The following FAM227A variants were observed in gnomAD, a reference collection of about 807,000 sequenced individuals.
FAM227A encodes protein FAM227A.
FAM227A carries 80 observed loss-of-function variants against 74.7 expected under a neutral mutation model. The observed-to-expected ratio is 1.07, with a 90% CI of 0.89 to 1.29. The LOEUF (loss-of-function observed/expected upper bound fraction) is 1.29, where lower values mean the gene tolerates loss of function less well. Ranked by LOEUF, FAM227A falls within the 50% of genes most tolerant of loss-of-function variation. The probability of loss-of-function intolerance (pLI) is 0.00; values close to 1 mark genes in which losing one functional copy is unlikely to be tolerated. For missense variants in FAM227A, 654 were observed against 683.4 expected (o/e 0.96, Z 0.48); for synonymous variants, 237 against 241.8 (o/e 0.98, Z 0.19).
chr22:38,619,177 G>A (rs1245803683), intron 11 of FAM227A, among the ~76,000 whole-genome samples: 1 of 152,118 alleles, frequency 6.6e-6, no homozygotes, highest in Non-Finnish European at 1.5e-5. Flanking sequence ...GTCCCCTGAG[G>A]CAGGACCCCT....
chr22:38,588,100 C>T (rs1225096573), intron 16 of FAM227A, among the ~76,000 whole-genome samples: 11 of 152,202 alleles, frequency 7.2e-5, no homozygotes, highest in Admixed American at 7.2e-4. Context: ...CAGATAACAG[C>T]ACACTCAATG....
chr22:38,628,640 G>A (rs1012288373), intron 7 of FAM227A, among the ~76,000 whole-genome samples, 194 bp downstream of exon 7: 1 of 152,162 alleles, frequency 6.6e-6, no homozygotes, highest in African/African-American at 2.4e-5. Flanking sequence ...TGGGGGAGCC[G>A]CAGGGCATTG....
At chr22:38,606,400 C>T (rs2091284643) in intron 12 of FAM227A, among the ~76,000 whole-genome samples, 1 of 152,164 alleles carries the variant, frequency 6.6e-6, no homozygotes, top group South Asian at 2.1e-4. Flanking sequence ...AACTTCTGGG[C>T]TCAAGCAATC....
intron 1 of FAM227A, among the ~76,000 whole-genome samples, chr22:38,653,043 A>G (rs796259219): frequency 1.2e-4 from 18 of 152,222 alleles, no homozygotes; most frequent in African/African-American, 4.3e-4. Context: ...CAGGTGAGTG[A>G]GAGAAGCTTG....
chr22:38,597,277 A>T lies in FAM227A; in HGVS notation c.1459T>A (p.Leu487Met). 1.9e-6 allele frequency: 3 copies of T among 1,552,084 alleles called. No individual in the cohort carries two copies. Among genetic ancestry groups the T allele is most frequent in the Non-Finnish European group, 2.6e-6 (3 of 1,147,054 alleles). ...CATTCAGTCCAATGATGCTGGTACA[A>T]CTGATTGAGGTTGTCTTTCCGCTTC... ...MKKRKDNLNQLYQHHWTEWNY... is the reference protein window; with the variant it reads ...MKKRKDNLNQMYQHHWTEWNY... The change falls in exon 15 of 17, where the codon TTG becomes ATG. Residue 487 changes from leucine (L) to methionine (M), a missense_variant. Transcript: ENST00000535113.
chr22:38,626,241 G>A lies in FAM227A; in HGVS notation c.789C>T (p.Ser263=). The change falls in exon 9 of 17, where the codon TCC becomes TCT. Residue 263 remains serine (S), a synonymous_variant. Transcript: ENST00000535113. Reference sequence around the variant, plus strand: ...ACTTGAATTCGTGCGTGTCGAACCAGGACTGTGGAAAGCAGCAACAGAAGC... The same window carrying A: ...ACTTGAATTCGTGCGTGTCGAACCAAGACTGTGGAAAGCAGCAACAGAAGC... ...YTSFCCCFPQ[S]WFDTHEFKSD... The A allele has an allele frequency of 6.4e-7, 1 of 1,551,724 alleles. No individual in the cohort carries two copies. Among genetic ancestry groups the A allele is most frequent in the East Asian group, 2.4e-5 (1 of 40,916 alleles).
Position 38,628,340 on chromosome 22 carries a change from T to G in FAM227A, c.624A>C (p.Pro208=). The stretch of plus-strand genomic sequence containing the variant: ...ACAGATTATTCTGGAGCTCCTTGTT[T>G]GGCTGCCAGGAATAGAAATGAAAAA... ...FWWIFHERYQ[P]NKELQNNLFD... is the part of the protein sequence containing the mutation. Residue 208 remains proline, a splice_region_variant and synonymous_variant, in exon 8 of 17, where the codon CCA becomes CCC. Transcript: ENST00000535113. 3.9e-6 allele frequency: 6 copies of G among 1,548,074 alleles called. No homozygotes were observed. The highest frequency in any genetic ancestry group is 3.5e-6 in the Non-Finnish European group (4 of 1,143,888).
chr22:38,620,495 C>T (rs184758914), intron 10 of FAM227A, among the ~76,000 whole-genome samples: 1 of 152,200 alleles, frequency 6.6e-6, no homozygotes, highest in East Asian at 1.9e-4. Flanking sequence ...GGTGAATGCA[C>T]CAATTAAAGG....
At chr22:38,628,784 G>A in intron 7 of FAM227A, 50 bp downstream of exon 7, 1 of 1,100,216 alleles carries the variant, frequency 9.1e-7, no homozygotes, top group Non-Finnish European at 1.3e-6. Context: ...AATTTGTTCT[G>A]TAGAAAAATA....
At position 38,652,444 on chromosome 22, in the gene FAM227A, C is replaced by G. The variant is rs191747549; in HGVS notation, c.-94-2182G>C. On this transcript the variant is annotated intron_variant, in intron 1 of 16. Transcript: ENST00000535113. ...CTACTAAAAAATACAAAAAATTAGC[C>G]GGGCATGGTGGCGGGCACCTACAGT... is the stretch of plus-strand genomic sequence containing the variant. Among the ~76,000 whole-genome samples, 8 of 148,944 alleles carry G rather than the reference C, an allele frequency of 5.4e-5. No homozygotes were observed. The South Asian group carries it at 1.7e-3, about 32-fold the overall frequency.
intron 15 of FAM227A, among the ~76,000 whole-genome samples, chr22:38,596,518 C>A (rs1723796145): frequency 6.6e-6 from 1 of 152,104 alleles, no homozygotes; most frequent in South Asian, 2.1e-4. Flanking sequence ...TGCACTGCAG[C>A]CCGGGTGACT....
At chr22:38,601,344 CAGG>C (rs893926360) in intron 13 of FAM227A, among the ~76,000 whole-genome samples, 4 of 150,496 alleles carry the variant, frequency 2.7e-5, no homozygotes, top group African/African-American at 7.4e-5. Flanking sequence ...GAAGGTCTAT[CAGG>C]AGTTGTTCCT....
At chr22:38,593,777 G>C (rs896395110) in intron 15 of FAM227A, among the ~76,000 whole-genome samples, 1 of 152,076 alleles carries the variant, frequency 6.6e-6, no homozygotes, top group African/African-American at 2.4e-5. Context: ...CGCAACTTCT[G>C]CCTCCCAGGC....
In FAM227A at chr22:38,578,928, T is replaced by C. The variant is rs2090683732; in HGVS notation, c.*7197A>G. ...TGCACTTACCATGTGTCAGGCACTGTTCTAAGTGCCTCCCACAGATTCATG... is the reference window on the plus strand; with the variant it reads ...TGCACTTACCATGTGTCAGGCACTGCTCTAAGTGCCTCCCACAGATTCATG... On this transcript the variant is annotated 3_prime_UTR_variant, in exon 17 of 17. Transcript: ENST00000535113. 6.6e-6 allele frequency: 1 copy of C among 152,156 alleles called. No homozygotes were observed. The highest frequency in any genetic ancestry group is 2.4e-5 in the African/African-American group (1 of 41,420). 9.4% of individuals were successfully genotyped at this position (152,156 alleles called of 1,614,324 possible).
At chr22:38,621,178 ATT>A (rs1246141362) in intron 10 of FAM227A, among the ~76,000 whole-genome samples, 5 of 151,870 alleles carry the variant, frequency 3.3e-5, no homozygotes, top group African/African-American at 1.2e-4. Flanking sequence ...CTCACCCTGT[ATT>A]TTTGTACTAA....
chr22:38,607,596 TTC>T, intron 11 of FAM227A, 120 bp from the exon 12 acceptor site: 1 of 735,068 alleles, frequency 1.4e-6, no homozygotes, highest in Non-Finnish European at 2.3e-6. Flanking sequence ...TTTCTTACTG[TTC>T]TCAGCAAAGG....
chr22:38,645,496 A>G, intron 3 of FAM227A, 67 bp downstream of exon 3: 1 of 1,031,802 alleles, frequency 9.7e-7, no homozygotes, highest in Admixed American at 2.1e-5. Context: ...GCACTGCAAC[A>G]CCTTGATGAT....
chr22:38,610,888 T>C (rs900096968), intron 11 of FAM227A, among the ~76,000 whole-genome samples: 1 of 152,060 alleles, frequency 6.6e-6, no homozygotes, highest in Non-Finnish European at 1.5e-5. Flanking sequence ...GGTGAAACCC[T>C]GTCTCTACTA....
Position 38,582,822 on chromosome 22 carries a change from A to C in FAM227A, c.*3303T>G, listed in dbSNP as rs1470798317. 6.5e-7 allele frequency: 1 copy of C among 1,549,504 alleles called. No individual in the cohort carries two copies. Among genetic ancestry groups the C allele is most frequent in the African/African-American group, 1.4e-5 (1 of 73,022 alleles). On this transcript the variant is annotated 3_prime_UTR_variant, in exon 17 of 17. Coordinates refer to ENST00000535113, the MANE Select transcript of FAM227A (RefSeq NM_001013647.2). ...TGCTGCCATAATGGGATGGCACAGA[A>C]TGCTGTTGGAGCATAATGCAGTGGA...
Sources: allele counts gnomAD v4.1 joint callset (sites outside exome capture counted in the v4.1 genomes callset), GRCh38; gene constraint gnomAD v4.1.1; transcripts MANE v1.5; gene names NCBI Gene and HGNC (gene_info 2026-07-23, HGNC 2026-07-21).